The following TXNDC16 variants were observed in gnomAD, a reference collection of about 807,000 sequenced individuals.
TXNDC16 encodes thioredoxin domain-containing protein 16.
A neutral mutation model predicts 85.6 loss-of-function variants in TXNDC16; 74 were observed. That is an observed-to-expected ratio of 0.86 (90% CI 0.72 to 1.05). The LOEUF (loss-of-function observed/expected upper bound fraction) is 1.05, where lower values mean the gene tolerates loss of function less well. Among genes scored for constraint, TXNDC16 ranks in the 50% least tolerant of loss-of-function variants. TXNDC16 has a pLI of 0.00. For missense variants in TXNDC16, 959 were observed against 947.0 expected (o/e 1.01, Z -0.17); for synonymous variants, 335 against 326.5 (o/e 1.03, Z -0.28).
chr14:52,542,259 T>A lies in TXNDC16; in HGVS notation c.243+112A>T, dbSNP rs556679584. 9 of 709,540 alleles carry A rather than the reference T, an allele frequency of 1.3e-5. No individual in the cohort carries two copies. In the African/African-American group the frequency reaches 1.6e-4, roughly 13 times the overall value. The allele number at this position is 709,540 out of a possible 1,614,324, so 44.0% of individuals were successfully genotyped here. A position where few individuals can be genotyped will look rare whatever the true frequency, so the allele number is the denominator to read the frequency against. ...GTTTATTCTTATGAAAAAAATATAT[T>A]TCCAGTTTGGAAAAAGATATGAAAT... On this transcript the variant is annotated intron_variant, in intron 4 of 20. Transcript: ENST00000281741.
At chr14:52,472,864 C>T (rs1156794092) in intron 14 of TXNDC16, among the ~76,000 whole-genome samples, 2 of 152,112 alleles carry the variant, frequency 1.3e-5, no homozygotes, top group African/African-American at 2.4e-5. Flanking sequence ...GAGCAGCCTG[C>T]AAGCTGCAAG....
At position 52,432,509 on chromosome 14, in the gene TXNDC16, T is replaced by C; in HGVS notation, c.2273A>G (p.Gln758Arg). 6.2e-7 allele frequency: 1 copy of C among 1,613,976 alleles called. No homozygotes were observed. The part of the protein sequence containing the change: ...FLSMIDAATS[Q>R]RGTRKVPKCM... ...CTTGGGAACTTTCCTAGTGCCACGT[T>C]GAGATGTTGCGGCATCTATCATACT... The change falls in exon 21 of 21, where the codon CAA becomes CGA. Residue 758 changes from glutamine (Q) to arginine (R), a missense_variant. By Grantham distance (43) the Gln-to-Arg change is conservative. Coordinates refer to ENST00000281741, the MANE Select transcript of TXNDC16 (RefSeq NM_020784.3).
At chr14:52,541,338 T>C (rs185129758) in intron 4 of TXNDC16, among the ~76,000 whole-genome samples, 1 of 152,326 alleles carries the variant, frequency 6.6e-6, no homozygotes, top group Admixed American at 6.5e-5. Context: ...GCATAGTTAT[T>C]AGCGACAGTC....
intron 16 of TXNDC16, among the ~76,000 whole-genome samples, chr14:52,467,552 C>G (rs2035805909): frequency 6.6e-6 from 1 of 152,128 alleles, no homozygotes; most frequent in African/African-American, 2.4e-5. Context: ...AAGATATCAC[C>G]TCACACCCAT....
In TXNDC16 at chr14:52,469,407, T is replaced by G. The variant is rs574459161; in HGVS notation, c.1618+630A>C. On this transcript the variant is annotated intron_variant, in intron 16 of 20. Transcript: ENST00000281741. ...TGATATATATATTCACCAAATATTA[T>G]GTAGCCATAATGTTCATGAAGAATA... 3.3e-5 allele frequency among the ~76,000 whole-genome samples: 5 copies of G among 152,054 alleles called. No homozygotes were observed. The South Asian group carries it at 1.0e-3, about 32-fold the overall frequency.
chr14:52,500,425 T>C (rs1424817219), intron 9 of TXNDC16, among the ~76,000 whole-genome samples: 6 of 152,168 alleles, frequency 3.9e-5, no homozygotes, highest in African/African-American at 7.2e-5. Context: ...GAATGGAAAG[T>C]AGACTGGTGG....
Position 52,518,599 on chromosome 14 carries a change from C to T in TXNDC16, c.514+573G>A, listed in dbSNP as rs148122136. 7.2e-5 allele frequency among the ~76,000 whole-genome samples: 11 copies of T among 152,288 alleles called. No individual in the cohort carries two copies. The East Asian group carries it at 1.2e-3, about 16-fold the overall frequency. Reference sequence around the variant, plus strand: ...ACTGCCATCACCCTGGTCCAAGCCACCCAGCATCATCTCTTGCTTGACTTA... The same window carrying T: ...ACTGCCATCACCCTGGTCCAAGCCATCCAGCATCATCTCTTGCTTGACTTA... On this transcript the variant is annotated intron_variant, in intron 7 of 20. Coordinates refer to ENST00000281741, the MANE Select transcript of TXNDC16 (RefSeq NM_020784.3).
Position 52,490,545 on chromosome 14 carries a change from C to T in TXNDC16, c.924-94G>A, listed in dbSNP as rs373910902. 3 of 982,040 alleles carry T rather than the reference C, an allele frequency of 3.1e-6. No individual in the cohort carries two copies. The South Asian group carries it at 5.8e-5, about 19-fold the overall frequency. The allele number at this position is 982,040 out of a possible 1,614,324, so 60.8% of individuals were successfully genotyped here. On this transcript the variant is annotated intron_variant, in intron 10 of 20. Coordinates refer to ENST00000281741, the MANE Select transcript of TXNDC16 (RefSeq NM_020784.3). Reference sequence around the variant, plus strand: ...TAGAAAATAGAACTACATTCTTATACTAAAAATTATGAAAAAATATTACAA... The same window carrying T: ...TAGAAAATAGAACTACATTCTTATATTAAAAATTATGAAAAAATATTACAA...
intron 19 of TXNDC16, 114 bp from the exon 20 acceptor site, chr14:52,439,508 T>C (rs561060070): frequency 1.1e-6 from 1 of 913,480 alleles, no homozygotes; most frequent in African/African-American, 1.7e-5. Context: ...AAGTTCACTT[T>C]ATGAAAAGAT....
chr14:52,505,161 A>G lies in TXNDC16; in HGVS notation c.756+6079T>C, dbSNP rs552897487. ...CCCACTGTCAACATTAGACAGATCAATAAGACAGAAAGTTAACAAGGATAT... is the reference window on the plus strand; with the variant it reads ...CCCACTGTCAACATTAGACAGATCAGTAAGACAGAAAGTTAACAAGGATAT... On this transcript the variant is annotated intron_variant, in intron 9 of 20. Transcript: ENST00000281741. 1.6e-3 allele frequency among the ~76,000 whole-genome samples: 238 copies of G among 152,306 alleles called. 1 individual carries two copies. Among genetic ancestry groups the G allele is most frequent in the African/African-American group, 5.7e-3 (237 of 41,556 alleles).
At chr14:52,523,025 A>G (rs1182329953) in intron 6 of TXNDC16, among the ~76,000 whole-genome samples, 1 of 152,174 alleles carries the variant, frequency 6.6e-6, no homozygotes, top group Non-Finnish European at 1.5e-5. Context: ...AATGATCCCT[A>G]TGATTTTTCC....
chr14:52,435,625 A>G (rs1594675481), intron 20 of TXNDC16, among the ~76,000 whole-genome samples: 1 of 152,252 alleles, frequency 6.6e-6, no homozygotes, highest in East Asian at 1.9e-4. Flanking sequence ...TAAGACAAAA[A>G]TATCATCTAA....
chr14:52,545,377 T>TCTTA (rs2037920675), intron 1 of TXNDC16, among the ~76,000 whole-genome samples: 1 of 152,216 alleles, frequency 6.6e-6, no homozygotes, highest in South Asian at 2.1e-4. Flanking sequence ...TGGTGATTGT[T>TCTTA]CTTACATGTT....
intron 11 of TXNDC16, among the ~76,000 whole-genome samples, chr14:52,489,528 AAATAT>A (rs1270713688): frequency 2.0e-5 from 3 of 152,198 alleles, no homozygotes; most frequent in Non-Finnish European, 4.4e-5. Context: ...ATTTCTACAG[AAATAT>A]AATAAACTTA....
chr14:52,508,747 T>C (rs2036879529), intron 9 of TXNDC16, among the ~76,000 whole-genome samples: 1 of 152,174 alleles, frequency 6.6e-6, no homozygotes, highest in South Asian at 2.1e-4. Context: ...TAAAAAATGA[T>C]GAGTTCATGT....
chr14:52,465,359 G>A (rs899931983), intron 16 of TXNDC16, among the ~76,000 whole-genome samples: 7 of 152,096 alleles, frequency 4.6e-5, no homozygotes, highest in South Asian at 2.1e-4. Flanking sequence ...TTGGGAGGCC[G>A]AGGCGGGTGG....
chr14:52,523,242 C>T (rs909464527), intron 6 of TXNDC16, among the ~76,000 whole-genome samples: 12 of 152,128 alleles, frequency 7.9e-5, no homozygotes, highest in African/African-American at 2.9e-4. Context: ...TTCTTCCTGT[C>T]CCAGAAAGGC....
Position 52,482,401 on chromosome 14 carries a change from A to C in TXNDC16, c.1253-112T>G, listed in dbSNP as rs1293444546. ...AGGTTTCCCAAAATTATTGTTAATC[A>C]GAAATATTCTACTATACATTTCTCA... is the stretch of plus-strand genomic sequence containing the variant. On this transcript the variant is annotated intron_variant, in intron 13 of 20. Transcript: ENST00000281741. 3.4e-6 allele frequency: 3 copies of C among 881,368 alleles called. No homozygotes were observed. The East Asian group carries it at 7.8e-5, about 23-fold the overall frequency. 54.6% of individuals were successfully genotyped at this position (881,368 alleles called of 1,614,324 possible).
chr14:52,488,765 C>T (rs1301162739), intron 11 of TXNDC16, among the ~76,000 whole-genome samples: 1 of 139,350 alleles, frequency 7.2e-6, no homozygotes, highest in Non-Finnish European at 1.5e-5. Context: ...ACCCAGGAGG[C>T]AGAGGTTGCA....
Sources: gnomAD v4.1 joint callset for allele counts (sites outside exome capture counted in the v4.1 genomes callset) on GRCh38, gnomAD v4.1.1 for gene constraint, MANE v1.5 for transcripts, NCBI Gene and HGNC (gene_info 2026-07-23, HGNC 2026-07-21) for gene names.